RALGPS1: variants seen among roughly 807,000 people sequenced by gnomAD.
RALGPS1 encodes the protein ras-specific guanine nucleotide-releasing factor RalGPS1.
Under a neutral mutation model 78.8 loss-of-function variants are expected in RALGPS1, and 19 were observed. The ratio of observed to expected loss-of-function variants is 0.24; its 90% CI spans 0.17 to 0.35. The LOEUF (loss-of-function observed/expected upper bound fraction) is 0.35, where lower values mean the gene tolerates loss of function less well. RALGPS1 is among the 10% of genes least tolerant of loss of function. The pLI, the probability that RALGPS1 is intolerant of heterozygous loss-of-function variation, is 1.00. For synonymous variants in RALGPS1, 228 were observed against 256.3 expected (o/e 0.89, Z 1.06); for missense variants, 454 against 688.3 (o/e 0.66, Z 3.81).
rs909274599 is a variant in RALGPS1, at chr9:127,069,595, G to A, written c.610+239G>A. ...ATATAAAAGACCTGTGGGCCCCAGG[G>A]TTCCCCAGGCTGCAGCCCAGATGGG... On this transcript the variant is annotated intron_variant, in intron 8 of 18. Transcript: ENST00000259351. 8 of 426,858 alleles carry A rather than the reference G, an allele frequency of 1.9e-5. No individual in the cohort carries two copies. The Admixed American group carries it at 3.1e-4, about 17-fold the overall frequency. 26.4% of individuals were successfully genotyped at this position (426,858 alleles called of 1,614,324 possible). A position where few individuals can be genotyped will look rare whatever the true frequency, so the allele number is the denominator to read the frequency against.
chr9:127,078,835 G>A lies in RALGPS1; in HGVS notation c.610+9479G>A, dbSNP rs985287647. ...GACTTCCTTTAGTTTTTTGGATTTC[G>A]AATTAGAAACTAACACTAATTACAA... On this transcript the variant is annotated intron_variant, in intron 8 of 18. Transcript: ENST00000259351. Among the ~76,000 whole-genome samples, 5 of 152,074 alleles carry A rather than the reference G, an allele frequency of 3.3e-5. No individual in the cohort carries two copies. In the East Asian group the frequency reaches 5.8e-4, roughly 18 times the overall value.
At chr9:127,054,325 C>T (rs1178912120) in intron 7 of RALGPS1, among the ~76,000 whole-genome samples, 6 of 151,974 alleles carry the variant, frequency 3.9e-5, no homozygotes, top group South Asian at 2.1e-4. Flanking sequence ...TTTGGACTGC[C>T]GGGAGCTATG....
intron 1 of RALGPS1, among the ~76,000 whole-genome samples, chr9:126,960,214 TCCCTC>T (rs2038763486): frequency 1.8e-5 from 1 of 56,232 alleles, no homozygotes; most frequent in African/African-American, 5.0e-5. Flanking sequence ...CCTCCCTCCC[TCCCTC>T]CCTTCCTTCC....
At chr9:127,204,055 T>C (rs956477336) in intron 14 of RALGPS1, among the ~76,000 whole-genome samples, 3 of 152,216 alleles carry the variant, frequency 2.0e-5, no homozygotes, top group Admixed American at 2.0e-4. Context: ...TCCCAGGTCC[T>C]TGGGCAGCTC....
In RALGPS1 at chr9:127,091,774, T is replaced by C; in HGVS notation, c.610+22418T>C. 6.2e-7 allele frequency: 1 copy of C among 1,614,196 alleles called. No homozygotes were observed. Among genetic ancestry groups the C allele is most frequent in the Non-Finnish European group, 8.5e-7 (1 of 1,180,034 alleles). ...ATGGTAGCGCCCCAGCCGCAGCTTA[T>C]AATACTCGCTCTCAGGTTCCAGGCG... On this transcript the variant is annotated intron_variant, in intron 8 of 18. Coordinates refer to ENST00000259351, the MANE Select transcript of RALGPS1 (RefSeq NM_014636.3). This position sits in a 1 kb window ranked among gnomAD's most constrained non-coding sequence, Gnocchi z 4.3.
At chr9:127,107,790 G>C (rs1324020912) in intron 8 of RALGPS1, 1 of 971,702 alleles carries the variant, frequency 1.0e-6, no homozygotes, top group South Asian at 2.1e-5. Flanking sequence ...GATTGCTGGG[G>C]GATTGTGCAT....
At chr9:127,042,487 C>A (rs1232666815) in intron 5 of RALGPS1, among the ~76,000 whole-genome samples, 1 of 152,026 alleles carries the variant, frequency 6.6e-6, no homozygotes, top group African/African-American at 2.4e-5. Flanking sequence ...AAAAAAAAAT[C>A]TCAGCCAATT....
chr9:127,051,464 A>G (rs1353683780), intron 6 of RALGPS1, among the ~76,000 whole-genome samples: 5 of 152,098 alleles, frequency 3.3e-5, no homozygotes, highest in African/African-American at 4.8e-5. Context: ...TAATTTCCAG[A>G]GCTGTGGGTT....
At chr9:127,133,834 T>C (rs2057194661) in intron 8 of RALGPS1, among the ~76,000 whole-genome samples, 1 of 152,064 alleles carries the variant, frequency 6.6e-6, no homozygotes, top group Non-Finnish European at 1.5e-5. Flanking sequence ...CGGCCTATTT[T>C]GGGCCTGGTC....
intron 1 of RALGPS1, among the ~76,000 whole-genome samples, chr9:126,954,460 T>C (rs1224102387): frequency 1.3e-5 from 2 of 152,164 alleles, no homozygotes; most frequent in African/African-American, 4.8e-5. Context: ...TCCAAAACAG[T>C]GCTGATCAGA....
chr9:126,932,061 A>T (rs1432166302), intron 1 of RALGPS1, among the ~76,000 whole-genome samples: 2 of 152,102 alleles, frequency 1.3e-5, no homozygotes, highest in Non-Finnish European at 2.9e-5. Flanking sequence ...CCATGGTGGA[A>T]ACCTTAGCAT....
At chr9:127,027,156 C>T (rs913580521) in intron 4 of RALGPS1, among the ~76,000 whole-genome samples, 9 of 152,118 alleles carry the variant, frequency 5.9e-5, no homozygotes, top group African/African-American at 2.2e-4. Context: ...TGCTGATCTC[C>T]AGTAATGTGT....
intron 6 of RALGPS1, among the ~76,000 whole-genome samples, chr9:127,050,746 C>T (rs1049816842): frequency 3.3e-5 from 5 of 152,252 alleles, no homozygotes; most frequent in South Asian, 2.1e-4. Flanking sequence ...AGTACTGTCA[C>T]GCCCAGTAGC....
chr9:126,959,250 T>C (rs1038783873), intron 1 of RALGPS1, among the ~76,000 whole-genome samples: 8 of 152,018 alleles, frequency 5.3e-5, no homozygotes, highest in Non-Finnish European at 1.2e-4. Context: ...TTAATAGAGA[T>C]GGGGTTTCAT....
chr9:126,952,969 A>G (rs933266613), intron 1 of RALGPS1, among the ~76,000 whole-genome samples: 3 of 152,136 alleles, frequency 2.0e-5, no homozygotes, highest in African/African-American at 4.8e-5. Flanking sequence ...GGAAGAAATC[A>G]CTTTCTTGTA....
chr9:127,168,012 G>A (rs1210658501), intron 9 of RALGPS1, among the ~76,000 whole-genome samples: 3 of 152,256 alleles, frequency 2.0e-5, no homozygotes, highest in Non-Finnish European at 4.4e-5. Flanking sequence ...GACCTGTGCA[G>A]GTTGCCACAG....
chr9:126,925,251 A>C (rs1036529950), intron 1 of RALGPS1, among the ~76,000 whole-genome samples: 1 of 151,538 alleles, frequency 6.6e-6, no homozygotes, highest in Non-Finnish European at 1.5e-5. Context: ...AGTACATATA[A>C]AGGTAATTAC....
intron 11 of RALGPS1, among the ~76,000 whole-genome samples, chr9:127,190,479 G>A (rs1212440185): frequency 6.6e-6 from 1 of 152,084 alleles, no homozygotes; most frequent in Non-Finnish European, 1.5e-5. Context: ...GCACACCACC[G>A]TACTGGACTA....
At chr9:126,935,232 A>G (rs1268211774) in intron 1 of RALGPS1, among the ~76,000 whole-genome samples, 3 of 152,140 alleles carry the variant, frequency 2.0e-5, no homozygotes, top group South Asian at 2.1e-4. Flanking sequence ...CTAGACTTTA[A>G]GCTCTTTTAA....
Sources: gnomAD v4.1 joint callset for allele counts (sites outside exome capture counted in the v4.1 genomes callset) on GRCh38, gnomAD v4.1.1 for gene constraint, Gnocchi (gnomAD v3.1) non-coding constraint, MANE v1.5 for transcripts, NCBI Gene and HGNC (gene_info 2026-07-23, HGNC 2026-07-21) for gene names.